The following CAPN5 variants were observed in gnomAD, a reference collection of about 807,000 sequenced individuals.
The protein encoded by CAPN5 is calpain 5, also known as calpain-5.
CAPN5 carries 54 observed loss-of-function variants against 73.0 expected under a neutral mutation model. The observed-to-expected ratio is 0.74, with a 90% CI of 0.59 to 0.93. The LOEUF (loss-of-function observed/expected upper bound fraction) is 0.93. Ranked by LOEUF, CAPN5 falls within the 40% of genes least tolerant of loss-of-function variation. The pLI, the probability that CAPN5 is intolerant of heterozygous loss-of-function variation, is 0.00. For synonymous variants in CAPN5, 335 were observed against 356.9 expected, an observed-to-expected ratio of 0.94 and a Z score of 0.69; for missense variants, 785 against 882.9, an observed-to-expected ratio of 0.89 and a Z score of 1.41.
At chr11:77,098,938 C>T (rs1360453173) in intron 3 of CAPN5, among the ~76,000 whole-genome samples, 36 of 79,844 alleles carry the variant, frequency 4.5e-4, no homozygotes, top group Admixed American at 1.5e-3. Context: ...TCAGACGGGG[C>T]GGCTGCCGGG....
At chr11:77,114,949 G>A (rs1555041437) in intron 5 of CAPN5, among the ~76,000 whole-genome samples, 1 of 152,048 alleles carries the variant, frequency 6.6e-6, no homozygotes, top group African/African-American at 2.4e-5. Flanking sequence ...TGTAATCCCA[G>A]CTACTCGGGA....
rs187588736 is a variant in CAPN5 at position 77,087,874 on chromosome 11, C to T, written c.165+2823C>T. On this transcript the variant is annotated intron_variant, in intron 2 of 12. Coordinates refer to ENST00000648180, the MANE Select transcript of CAPN5 (RefSeq NM_004055.5). ...GACCAGGCCTTGTCCTCTTGGGTGC[C>T]GACCTGGGCACCTGCCTTCAGCCCA... The T allele has an allele frequency of 9.4e-5, 144 of 1,533,834 alleles. 3 individuals are homozygous for T. In the East Asian group the frequency reaches 1.6e-3, roughly 17 times the overall value.
Position 77,103,853 on chromosome 11 carries a change from A to G in CAPN5, c.298-8736A>G, listed in dbSNP as rs1217950193. ...GGGCTGCTGGTCCCATAACACGTCG[A>G]CAACCCTCAGGATATGGGGCAGGGT... is the stretch of plus-strand genomic sequence containing the variant. On this transcript the variant is annotated intron_variant, in intron 3 of 12. Transcript: ENST00000648180. Among the ~76,000 whole-genome samples, 4 of 152,164 alleles carry G rather than the reference A, an allele frequency of 2.6e-5. No homozygotes were observed. The East Asian group carries it at 7.7e-4, about 29-fold the overall frequency.
chr11:77,123,591 T>G, intron 12 of CAPN5, 97 bp from the exon 13 acceptor site: 2 of 1,063,270 alleles, frequency 1.9e-6, no homozygotes, highest in East Asian at 4.8e-5. Flanking sequence ...AGGCTTGCAC[T>G]TCAAGGCCCT....
intron 11 of CAPN5, 40 bp from the exon 12 acceptor site, chr11:77,122,536 C>A (rs948964): frequency 8.0e-7 from 1 of 1,256,622 alleles, no homozygotes; most frequent in Non-Finnish European, 1.1e-6. Context: ...CCACAGCCCC[C>A]ACCCCCACCC....
At chr11:77,108,156 T>A (rs1259761087) in intron 3 of CAPN5, among the ~76,000 whole-genome samples, 1 of 152,220 alleles carries the variant, frequency 6.6e-6, no homozygotes, top group Non-Finnish European at 1.5e-5. Context: ...GTGGGGGATT[T>A]TCCTCCCAGG....
chr11:77,113,916 C>A (rs912319340), intron 4 of CAPN5, among the ~76,000 whole-genome samples: 1 of 152,214 alleles, frequency 6.6e-6, no homozygotes, highest in Non-Finnish European at 1.5e-5. Flanking sequence ...ACCTTCTCAT[C>A]ATTCCCAGCA....
rs1348361590 is a variant in CAPN5 at position 77,125,694 on chromosome 11, AG to A, written c.*1829del. 4 of 151,494 alleles carry A rather than the reference AG, an allele frequency of 2.6e-5. No individual in the cohort carries two copies. Among genetic ancestry groups the A allele is most frequent in the Non-Finnish European group, 4.4e-5 (3 of 67,916 alleles). 9.4% of individuals were successfully genotyped at this position (151,494 alleles called of 1,614,324 possible). On this transcript the variant is annotated 3_prime_UTR_variant, in exon 13 of 13. Coordinates refer to ENST00000648180, the MANE Select transcript of CAPN5 (RefSeq NM_004055.5). ...CTATTTCAAATCAAGGCTCCTGAGT[AG>A]GGGGTGAAGTGAGCCAGCTTGCACC... is the stretch of plus-strand genomic sequence containing the variant.
At position 77,082,898 on chromosome 11, in the gene CAPN5, C is replaced by T. The variant is rs903428161; in HGVS notation, c.-35-1954C>T. Among the ~76,000 whole-genome samples, 4 of 152,232 alleles carry T rather than the reference C, an allele frequency of 2.6e-5. No individual in the cohort carries two copies. The South Asian group carries it at 8.3e-4, about 31-fold the overall frequency. Reference sequence around the variant, plus strand: ...AATTGCAAGAGCTGATTTCTGGGCTCCTGCTTTCAGCTTCTCTGATCTAAT... The same window carrying T: ...AATTGCAAGAGCTGATTTCTGGGCTTCTGCTTTCAGCTTCTCTGATCTAAT... On this transcript the variant is annotated intron_variant, in intron 1 of 12. Coordinates refer to ENST00000648180, the MANE Select transcript of CAPN5 (RefSeq NM_004055.5).
chr11:77,086,977 C>T (rs1015006559), intron 2 of CAPN5, among the ~76,000 whole-genome samples: 19 of 152,216 alleles, frequency 1.2e-4, no homozygotes, highest in African/African-American at 3.9e-4. Flanking sequence ...TTGCCTTCCT[C>T]GCTGGCTCAC....
intron 12 of CAPN5, 65 bp from the exon 13 acceptor site, chr11:77,123,623 C>G: frequency 2.9e-6 from 4 of 1,369,522 alleles, no homozygotes; most frequent in Admixed American, 3.5e-5. Context: ...CAGCACCCCC[C>G]ATAGACCTAT....
Position 77,114,317 on chromosome 11 carries a change from T to C in CAPN5, c.582T>C (p.Ser194=), listed in dbSNP as rs140998191. ...DALVDFTGGV[S]EPIDLTEGDF... ...TGGTGGACTTCACGGGTGGTGTTTC[T>C]GAGCCCATCGACCTGACCGAGGGTG... Residue 194 remains serine, a synonymous_variant, in exon 5 of 13, where the codon TCT becomes TCC. Transcript: ENST00000648180. 2.0e-4 allele frequency: 315 copies of C among 1,614,220 alleles called. 1 individual carries two copies. In the African/African-American group the frequency reaches 3.7e-3, roughly 19 times the overall value.
chr11:77,112,570 C>T lies in CAPN5; in HGVS notation c.298-19C>T, dbSNP rs1325107415. 2 of 1,573,064 alleles carry T rather than the reference C, an allele frequency of 1.3e-6. No homozygotes were observed. Among genetic ancestry groups the T allele is most frequent in the Non-Finnish European group, 1.7e-6 (2 of 1,145,466 alleles). On this transcript the variant is annotated intron_variant, in intron 3 of 12. Coordinates refer to ENST00000648180, the MANE Select transcript of CAPN5 (RefSeq NM_004055.5). ...CCCTCACTGTGTTCCCCCATCCTAT[C>T]CCCCCTCCCCCTACCCAGGTCATCC... is the stretch of plus-strand genomic sequence containing the variant.
intron 1 of CAPN5, among the ~76,000 whole-genome samples, chr11:77,077,806 C>T (rs190895675): frequency 7.0e-4 from 107 of 152,290 alleles, no homozygotes; most frequent in Non-Finnish European, 1.4e-3. Context: ...TAAGCCACTG[C>T]GCCCAGCCAA....
intron 1 of CAPN5, among the ~76,000 whole-genome samples, chr11:77,078,135 T>C (rs1949992359): frequency 6.6e-6 from 1 of 152,214 alleles, no homozygotes; most frequent in Admixed American, 6.5e-5. Context: ...TAAAATATCA[T>C]TGCCCAGACC....
chr11:77,113,108 G>C (rs536752485), intron 4 of CAPN5, among the ~76,000 whole-genome samples: 2 of 152,348 alleles, frequency 1.3e-5, no homozygotes, highest in Admixed American at 1.3e-4. Context: ...GACCATTCTC[G>C]AAGGTTCATG....
At chr11:77,068,190 C>T (rs1052951932) in intron 1 of CAPN5, among the ~76,000 whole-genome samples, 5 of 152,112 alleles carry the variant, frequency 3.3e-5, no homozygotes, top group East Asian at 1.9e-4. Context: ...GCTCCTGTCC[C>T]CAGGGTCTGG....
intron 3 of CAPN5, among the ~76,000 whole-genome samples, chr11:77,095,549 A>G (rs180966977): frequency 6.6e-6 from 1 of 152,300 alleles, no homozygotes; most frequent in East Asian, 1.9e-4. Context: ...AGTTTTGGGA[A>G]CAGAGCTCCT....
At position 77,120,790 on chromosome 11, in the gene CAPN5, C is replaced by T. The variant is rs782378376; in HGVS notation, c.1368C>T (p.Ser456=). Residue 456 remains serine, a synonymous_variant, in exon 10 of 13, where the codon AGC becomes AGT. Transcript: ENST00000648180. ...GCTCCATCTACATCAACTCACGCAG[C>T]GTCTTCCTGCGCACCGACCAGCCCG... ...AASSIYINSR[S]VFLRTDQPEG... 9 of 1,613,964 alleles carry T rather than the reference C, an allele frequency of 5.6e-6. No homozygotes were observed. The highest frequency in any genetic ancestry group is 2.2e-5 in the East Asian group (1 of 44,894).
Sources: allele counts gnomAD v4.1 joint callset (sites outside exome capture counted in the v4.1 genomes callset), GRCh38; gene constraint gnomAD v4.1.1; transcripts MANE v1.5; gene names NCBI Gene and HGNC (gene_info 2026-07-23, HGNC 2026-07-21).